TAFA4: variants seen among roughly 807,000 people sequenced by gnomAD.
The protein encoded by TAFA4 is chemokine-like protein TAFA-4.
TAFA4 carries 20 observed loss-of-function variants against 21.1 expected under a neutral mutation model. That is an observed-to-expected ratio of 0.95 (90% CI 0.67 to 1.38). The LOEUF (loss-of-function observed/expected upper bound fraction) is 1.38, where lower values mean the gene tolerates loss of function less well. Among genes scored for constraint, TAFA4 ranks in the 40% most tolerant of loss-of-function variants. The pLI is 0.00. For synonymous variants in TAFA4, 71 were observed against 67.4 expected, an observed-to-expected ratio of 1.05 and a Z score of -0.26; for missense variants, 211 against 180.9, an observed-to-expected ratio of 1.17 and a Z score of -0.95.
chr3:68,848,560 A>C (rs75827909), intron 3 of TAFA4, among the ~76,000 whole-genome samples: 1,939 of 152,278 alleles, frequency 0.013, 39 homozygotes, highest in African/African-American at 0.042. Context: ...TGGTTGATCA[A>C]CTCACCTTGG....
At chr3:68,736,438 T>A (rs1702242641) in intron 5 of TAFA4, among the ~76,000 whole-genome samples, 1 of 152,136 alleles carries the variant, frequency 6.6e-6, no homozygotes, top group African/African-American at 2.4e-5. Flanking sequence ...CATATCTTCA[T>A]CTAAAGCTAT....
At chr3:68,815,908 A>G (rs1703964136) in intron 3 of TAFA4, among the ~76,000 whole-genome samples, 1 of 152,242 alleles carries the variant, frequency 6.6e-6, no homozygotes, top group East Asian at 1.9e-4. Context: ...AAGACTTCGA[A>G]CCAACCCAAA....
intron 3 of TAFA4, among the ~76,000 whole-genome samples, chr3:68,820,149 T>C (rs960363456): frequency 2.0e-5 from 3 of 152,196 alleles, no homozygotes; most frequent in Non-Finnish European, 4.4e-5. Flanking sequence ...CAGATGAACC[T>C]GGAGGACATT....
chr3:68,862,455 G>T (rs1029821726), intron 3 of TAFA4, among the ~76,000 whole-genome samples: 1 of 152,120 alleles, frequency 6.6e-6, no homozygotes, highest in African/African-American at 2.4e-5. Flanking sequence ...CCACATAATG[G>T]TTCTCACAAG....
chr3:68,872,094 A>C (rs2089489380), intron 3 of TAFA4, among the ~76,000 whole-genome samples: 1 of 152,124 alleles, frequency 6.6e-6, no homozygotes, highest in African/African-American at 2.4e-5. Flanking sequence ...GGAGATAACT[A>C]TACTCCCATG....
Position 68,841,310 on chromosome 3 carries a change from G to A in TAFA4, c.130+39420C>T, listed in dbSNP as rs1391167574. ...TGCACTCCAGCCTGGGCGACAGAGC[G>A]AGACTCCGTCTCAAAAAAAAAAAAA... On this transcript the variant is annotated intron_variant, in intron 3 of 5. Coordinates refer to ENST00000295569, the MANE Select transcript of TAFA4 (RefSeq NM_182522.5). Among the ~76,000 whole-genome samples the A allele has an allele frequency of 1.9e-4, 13 of 66,692 alleles. 3 individuals carry two copies. Among genetic ancestry groups the A allele is most frequent in the Admixed American group, 5.3e-4 (4 of 7,504 alleles). The allele number at this position is 66,692 out of a possible 152,430, so 43.8% of individuals were successfully genotyped here.
chr3:68,736,114 T>TG (rs1702236325), intron 5 of TAFA4, among the ~76,000 whole-genome samples: 1 of 152,170 alleles, frequency 6.6e-6, no homozygotes, highest in Non-Finnish European at 1.5e-5. Flanking sequence ...CAAAGTGATT[T>TG]GCTTCTGCTC....
chr3:68,757,495 G>A (rs1401826467), intron 3 of TAFA4, among the ~76,000 whole-genome samples: 1 of 152,154 alleles, frequency 6.6e-6, no homozygotes, highest in Non-Finnish European at 1.5e-5. Flanking sequence ...AGTCTGTAAT[G>A]AAAGCAGCTT....
At chr3:68,827,659 T>C (rs1244365361) in intron 3 of TAFA4, among the ~76,000 whole-genome samples, 1 of 152,254 alleles carries the variant, frequency 6.6e-6, no homozygotes, top group East Asian at 1.9e-4. Flanking sequence ...TTTTTTCATA[T>C]GTTTGTTGGC....
At chr3:68,831,566 G>C (rs1039508284) in intron 3 of TAFA4, among the ~76,000 whole-genome samples, 1 of 152,014 alleles carries the variant, frequency 6.6e-6, no homozygotes, top group African/African-American at 2.4e-5. Context: ...TTAGTCTGAC[G>C]GGCTTCCCTT....
At chr3:68,784,115 T>C (rs1377061698) in intron 3 of TAFA4, among the ~76,000 whole-genome samples, 1 of 152,364 alleles carries the variant, frequency 6.6e-6, no homozygotes, top group African/African-American at 2.4e-5. Flanking sequence ...TATGAAAAGA[T>C]GCTCAACCTC....
At chr3:68,876,712 C>A (rs2089553252) in intron 3 of TAFA4, among the ~76,000 whole-genome samples, 1 of 151,402 alleles carries the variant, frequency 6.6e-6, no homozygotes, top group South Asian at 2.1e-4. Context: ...TCACAACATG[C>A]ATATTTTGCA....
At chr3:68,852,271 C>T (rs974445386) in intron 3 of TAFA4, among the ~76,000 whole-genome samples, 1 of 152,106 alleles carries the variant, frequency 6.6e-6, no homozygotes. Flanking sequence ...GAGTGGCTGA[C>T]AGAATTAATG....
At chr3:68,801,200 G>T (rs1191126942) in intron 3 of TAFA4, among the ~76,000 whole-genome samples, 1 of 152,102 alleles carries the variant, frequency 6.6e-6, no homozygotes, top group Non-Finnish European at 1.5e-5. Context: ...CTTTTCTGAT[G>T]GTCATAGACA....
intron 3 of TAFA4, among the ~76,000 whole-genome samples, chr3:68,831,958 C>T (rs1017448808): frequency 6.6e-6 from 1 of 152,130 alleles, no homozygotes; most frequent in Non-Finnish European, 1.5e-5. Flanking sequence ...CCTTTCTTGT[C>T]CTTGATCAAA....
intron 3 of TAFA4, among the ~76,000 whole-genome samples, chr3:68,817,681 A>T (rs923810121): frequency 9.2e-5 from 14 of 152,180 alleles, no homozygotes; most frequent in African/African-American, 3.1e-4. Context: ...AAACAACATT[A>T]ATCTCCTTGT....
intron 1 of TAFA4, among the ~76,000 whole-genome samples, chr3:68,896,311 G>A (rs1191905454): frequency 6.6e-6 from 1 of 152,162 alleles, no homozygotes; most frequent in Non-Finnish European, 1.5e-5. Flanking sequence ...GCTGGGTAGA[G>A]AATGTCCTGA....
intron 3 of TAFA4, among the ~76,000 whole-genome samples, chr3:68,833,488 G>C (rs544173968): frequency 1.3e-3 from 203 of 152,204 alleles, no homozygotes; most frequent in African/African-American, 4.4e-3. Context: ...TGTCTGAGGA[G>C]CTTCAATAAA....
At chr3:68,752,332 T>A (rs1371020828) in intron 4 of TAFA4, among the ~76,000 whole-genome samples, 6 of 152,290 alleles carry the variant, frequency 3.9e-5, no homozygotes, top group Middle Eastern at 3.4e-3. Context: ...ATATATTTTT[T>A]AACTATTGGC....
Sources: allele counts gnomAD v4.1 joint callset (sites outside exome capture counted in the v4.1 genomes callset), GRCh38; gene constraint gnomAD v4.1.1; transcripts MANE v1.5; gene names NCBI Gene and HGNC (gene_info 2026-07-23, HGNC 2026-07-21).